Variants in THSD7B observed in about 807,000 individuals in gnomAD.
The protein encoded by THSD7B is thrombospondin type 1 domain containing 7B, also known as thrombospondin type-1 domain-containing protein 7B.
In THSD7B, 138 loss-of-function variants were observed where a neutral mutation model predicts 213.6. The ratio of observed to expected loss-of-function variants is 0.65; its 90% CI spans 0.56 to 0.74. THSD7B has a LOEUF of 0.74. Among genes scored for constraint, THSD7B ranks in the 30% least tolerant of loss-of-function variants. The pLI, the probability that THSD7B is intolerant of heterozygous loss-of-function variation, is 0.00. For missense variants in THSD7B, 1,931 were observed against 1,991.5 expected (o/e 0.97, Z 0.58); for synonymous variants, 742 against 687.0 (o/e 1.08, Z -1.25).
rs1686500034 is a variant in THSD7B at position 137,405,681 on chromosome 2, A to G, written c.2569A>G (p.Met857Val). The change falls in exon 13 of 28, where the codon ATG becomes GTG. Residue 857 changes from methionine (M) to valine (V), a missense_variant. Met to Val is a conservative substitution (Grantham distance 21). Coordinates refer to ENST00000409968, the MANE Select transcript of THSD7B (RefSeq NM_001316349.2). ...GGAATGCCTCAAGCAGACAAACGGC[A>G]TGCCTCTCCTTGTGCAAGAATGCAC... ...MMECLKQTNG[M>V]PLLVQECTVP... 1 of 1,613,598 alleles carries G rather than the reference A, an allele frequency of 6.2e-7. No individual in the cohort carries two copies. The highest frequency in any genetic ancestry group is 8.5e-7 in the Non-Finnish European group (1 of 1,179,798).
At chr2:137,320,859 A>T (rs1684249929) in intron 12 of THSD7B, among the ~76,000 whole-genome samples, 1 of 152,166 alleles carries the variant, frequency 6.6e-6, no homozygotes, top group Non-Finnish European at 1.5e-5. Flanking sequence ...ATCAGATGGC[A>T]TTTTTTTCTC....
intron 7 of THSD7B, among the ~76,000 whole-genome samples, chr2:137,224,867 A>G (rs1282202327): frequency 6.6e-6 from 1 of 152,200 alleles, no homozygotes; most frequent in Non-Finnish European, 1.5e-5. Context: ...CTCACTTGCC[A>G]CATGGATGCA....
intron 20 of THSD7B, among the ~76,000 whole-genome samples, chr2:137,629,874 C>T (rs1389575501): frequency 6.6e-6 from 1 of 152,144 alleles, no homozygotes; most frequent in Non-Finnish European, 1.5e-5. Context: ...CTAGGCTGCT[C>T]AGTGTTCAAT....
chr2:137,486,285 A>G (rs1688441733), intron 15 of THSD7B, among the ~76,000 whole-genome samples: 1 of 151,076 alleles, frequency 6.6e-6, no homozygotes. Context: ...GGCTCAAAAT[A>G]AAAGGATGGA....
chr2:137,649,090 G>A (rs1040139539), intron 21 of THSD7B, among the ~76,000 whole-genome samples: 3 of 152,038 alleles, frequency 2.0e-5, no homozygotes, highest in Non-Finnish European at 2.9e-5. Flanking sequence ...GTCTACTCAG[G>A]TATTTTGCCC....
intron 2 of THSD7B, among the ~76,000 whole-genome samples, chr2:137,042,110 C>T (rs962725424): frequency 5.3e-5 from 8 of 152,186 alleles, no homozygotes; most frequent in Non-Finnish European, 1.2e-4. Flanking sequence ...TTCTGCCCTG[C>T]GTTCTACCTT....
chr2:137,435,048 G>GA (rs559135087), intron 14 of THSD7B, among the ~76,000 whole-genome samples: 3 of 151,794 alleles, frequency 2.0e-5, no homozygotes, highest in Non-Finnish European at 4.4e-5. Context: ...CTTCTTCTAG[G>GA]AAAAAAATAT....
Position 137,420,164 on chromosome 2 carries a change from C to T in THSD7B, c.2959+8292C>T, listed in dbSNP as rs1045719313. 1.1e-4 allele frequency among the ~76,000 whole-genome samples: 17 copies of T among 152,026 alleles called. 1 individual carries two copies. The highest frequency in any genetic ancestry group is 3.9e-4 in the African/African-American group (16 of 41,464). On this transcript the variant is annotated intron_variant, in intron 14 of 27. Transcript: ENST00000409968. The stretch of plus-strand genomic sequence containing the variant: ...TTTACTGGAGTGAGATGATATCTAC[C>T]GTGGTTTTGATTTTAACCTTGTTTA...
chr2:137,393,206 T>A (rs1315874144), intron 12 of THSD7B, among the ~76,000 whole-genome samples: 1 of 151,000 alleles, frequency 6.6e-6, no homozygotes, highest in Non-Finnish European at 1.5e-5. Context: ...CATGTGCACA[T>A]TGTGCAGGTT....
At chr2:136,988,427 G>T (rs908274937) in intron 2 of THSD7B, among the ~76,000 whole-genome samples, 1 of 152,232 alleles carries the variant, frequency 6.6e-6, no homozygotes, top group African/African-American at 2.4e-5. Context: ...CTGCCAGAGA[G>T]AGTTGATAAA....
intron 2 of THSD7B, among the ~76,000 whole-genome samples, chr2:136,929,283 A>G (rs1684591515): frequency 6.6e-6 from 1 of 152,188 alleles, no homozygotes; most frequent in Non-Finnish European, 1.5e-5. Flanking sequence ...TGGTTGCTTT[A>G]GTTTATTTAA....
chr2:136,879,591 G>A (rs941305910), intron 1 of THSD7B, among the ~76,000 whole-genome samples: 9 of 151,812 alleles, frequency 5.9e-5, no homozygotes, highest in African/African-American at 1.2e-4. Flanking sequence ...CTTTTATTTC[G>A]TTGAGCAGTG....
At chr2:137,261,835 G>C (rs1682458681) in intron 10 of THSD7B, among the ~76,000 whole-genome samples, 1 of 148,148 alleles carries the variant, frequency 6.8e-6, no homozygotes, top group South Asian at 2.2e-4. Flanking sequence ...TAATGTCTGA[G>C]TAATTTCCCT....
chr2:136,828,328 T>A (rs1447732023), intron 1 of THSD7B, among the ~76,000 whole-genome samples: 1 of 152,166 alleles, frequency 6.6e-6, no homozygotes, highest in African/African-American at 2.4e-5. Flanking sequence ...CATTGACAAC[T>A]GTCTCTTTCC....
intron 7 of THSD7B, among the ~76,000 whole-genome samples, chr2:137,217,559 C>T (rs1427758001): frequency 6.6e-6 from 1 of 152,116 alleles, no homozygotes; most frequent in Admixed American, 6.6e-5. Context: ...AATTCAAACC[C>T]AGGTCTATCT....
rs555135495 is a variant in THSD7B, at chr2:136,774,598, C to G, written c.-36+8911C>G. 5.3e-5 allele frequency among the ~76,000 whole-genome samples: 8 copies of G among 152,184 alleles called. 1 individual carries two copies. Among genetic ancestry groups the G allele is most frequent in the Admixed American group, 5.2e-4 (8 of 15,288 alleles). The stretch of plus-strand genomic sequence containing the variant: ...GAAACATTTTAATAATTCCAAGTCT[C>G]TTTTGGTGGGGGGATGCATATTTCA... On this transcript the variant is annotated intron_variant, in intron 1 of 27. Transcript: ENST00000409968.
At chr2:137,517,420 C>G (rs1680091222) in intron 15 of THSD7B, among the ~76,000 whole-genome samples, 1 of 152,174 alleles carries the variant, frequency 6.6e-6, no homozygotes, top group Non-Finnish European at 1.5e-5. Context: ...GGCCTTCTAC[C>G]TCAGTAAAAT....
In THSD7B at chr2:137,669,148, C is replaced by A. The variant is rs544047514; in HGVS notation, c.4739+1287C>A. 1.9e-3 allele frequency among the ~76,000 whole-genome samples: 283 copies of A among 152,142 alleles called. 2 individuals carry two copies. Among genetic ancestry groups the A allele is most frequent in the African/African-American group, 6.6e-3 (274 of 41,512 alleles). On this transcript the variant is annotated intron_variant, in intron 27 of 27. Transcript: ENST00000409968. Reference sequence around the variant, plus strand: ...TCCTAATAAATATATTTATATTCATCATCTGTCCCAGAGACTATTTTCCGG... The same window carrying A: ...TCCTAATAAATATATTTATATTCATAATCTGTCCCAGAGACTATTTTCCGG...
intron 2 of THSD7B, among the ~76,000 whole-genome samples, chr2:136,995,773 T>C (rs1405796314): frequency 1.3e-5 from 2 of 152,184 alleles, no homozygotes; most frequent in African/African-American, 2.4e-5. Flanking sequence ...GTCCTTGTCA[T>C]TTTAGAATTA....
Sources: allele counts gnomAD v4.1 joint callset (sites outside exome capture counted in the v4.1 genomes callset), GRCh38; gene constraint gnomAD v4.1.1; transcripts MANE v1.5; gene names NCBI Gene and HGNC (gene_info 2026-07-23, HGNC 2026-07-21).